NTMT2: variants seen among roughly 807,000 people sequenced by gnomAD.
The protein encoded by NTMT2 is N-terminal Xaa-Pro-Lys N-methyltransferase 2, also known as X-Pro-Lys N-terminal protein methyltransferase 1B.
NTMT2 carries 21 observed loss-of-function variants against 23.4 expected under a neutral mutation model. That is an observed-to-expected ratio of 0.90 (90% confidence interval 0.64 to 1.29). The LOEUF (loss-of-function observed/expected upper bound fraction) is 1.29, where lower values mean the gene tolerates loss of function less well. Ranked by LOEUF, NTMT2 falls within the 50% of genes most tolerant of loss-of-function variation. NTMT2 has a pLI of 0.00. For missense variants in NTMT2, 336 were observed against 352.0 expected, an observed-to-expected ratio of 0.95 and a Z score of 0.36; for synonymous variants, 131 against 127.7, an observed-to-expected ratio of 1.03 and a Z score of -0.17.
chr1:170,149,832 A>G (rs180775123), intron 1 of NTMT2, among the ~76,000 whole-genome samples: 9 of 152,320 alleles, frequency 5.9e-5, no homozygotes, highest in African/African-American at 1.2e-4. Flanking sequence ...TAAAGTCACC[A>G]TGTAGCTTTC....
Position 170,167,777 on chromosome 1 carries a change from G to T in NTMT2, c.*20G>T, listed in dbSNP as rs1057177283. 6.5e-7 allele frequency: 1 copy of T among 1,538,444 alleles called. No individual in the cohort carries two copies. Among genetic ancestry groups the T allele is most frequent in the South Asian group, 1.2e-5 (1 of 81,684 alleles). ...TCCTGAAAAAGCAGTGGGAATGAAC[G>T]ACTGGACTGGGCAGTGGTGCTTTGG... On this transcript the variant is annotated 3_prime_UTR_variant, in exon 4 of 4. Coordinates refer to ENST00000439373, the MANE Select transcript of NTMT2 (RefSeq NM_001136107.2).
intron 1 of NTMT2, among the ~76,000 whole-genome samples, chr1:170,160,064 C>A (rs185607002): frequency 2.3e-4 from 35 of 152,240 alleles, no homozygotes; most frequent in Non-Finnish European, 4.1e-4. Context: ...AAAACAGTTA[C>A]CCCTACCTTG....
chr1:170,162,645 C>G (rs1448664511), intron 2 of NTMT2, among the ~76,000 whole-genome samples: 2 of 152,152 alleles, frequency 1.3e-5, no homozygotes, highest in Non-Finnish European at 2.9e-5. Flanking sequence ...ACTCTTCATG[C>G]CAATTCTTGG....
chr1:170,152,404 G>A (rs940676596), intron 1 of NTMT2, among the ~76,000 whole-genome samples: 2 of 152,134 alleles, frequency 1.3e-5, no homozygotes, highest in African/African-American at 4.8e-5. Context: ...AGAGAGTTAG[G>A]AAGACACTCA....
intron 1 of NTMT2, among the ~76,000 whole-genome samples, chr1:170,153,322 T>C (rs914368451): frequency 6.6e-6 from 1 of 152,214 alleles, no homozygotes; most frequent in African/African-American, 2.4e-5. Flanking sequence ...ATCTGATACT[T>C]GAAAATGTGG....
chr1:170,157,273 A>G (rs1673181294), intron 1 of NTMT2, among the ~76,000 whole-genome samples: 1 of 152,130 alleles, frequency 6.6e-6, no homozygotes, highest in African/African-American at 2.4e-5. Context: ...TCAGTAGCTA[A>G]TTTGTATGTA....
chr1:170,166,728 T>C lies in NTMT2; in HGVS notation c.557T>C (p.Val186Ala), dbSNP rs1379193131. 4 of 1,552,352 alleles carry C rather than the reference T, an allele frequency of 2.6e-6. No homozygotes were observed. Among genetic ancestry groups the C allele is most frequent in the South Asian group, 1.2e-5 (1 of 84,054 alleles). Reference protein sequence around the residue: ...EFTPPFRRYDVIWIQWVSGHL... With the variant: ...EFTPPFRRYDAIWIQWVSGHL... ...ACACCCCCCTTCAGGAGATATGATG[T>C]CATCTGGATTCAGTGGGTCTCTGGT... is the stretch of plus-strand genomic sequence containing the variant. The change falls in exon 3 of 4, where the codon GTC becomes GCC. Residue 186 changes from valine (V) to alanine (A), a missense_variant. Transcript: ENST00000439373.
chr1:170,166,137 T>TTTA, intron 2 of NTMT2, among the ~76,000 whole-genome samples: 1 of 85,690 alleles, frequency 1.2e-5, no homozygotes, highest in African/African-American at 3.8e-5. Flanking sequence ...TTTTTTTTTT[T>TTTA]TTCTTTTTTT....
At chr1:170,164,121 CAAAAAAAA>C (rs36025340) in intron 2 of NTMT2, among the ~76,000 whole-genome samples, 3 of 102,014 alleles carry the variant, frequency 2.9e-5, no homozygotes, top group African/African-American at 1.1e-4. Flanking sequence ...GACTCTATCT[CAAAAAAAA>C]AAAAAAAAAA....
chr1:170,162,798 CTGCTCTT>C (rs1673298690), intron 2 of NTMT2, among the ~76,000 whole-genome samples: 1 of 152,198 alleles, frequency 6.6e-6, no homozygotes, highest in Non-Finnish European at 1.5e-5. Flanking sequence ...ACCAAACTCT[CTGCTCTT>C]AACCATGACA....
rs370338286 is a variant in NTMT2, at chr1:170,167,794, G to A, written c.*37G>A. ...GAATGAACGACTGGACTGGGCAGTGGTGCTTTGGGATGGGGTTGCTATCCT... is the reference window on the plus strand; with the variant it reads ...GAATGAACGACTGGACTGGGCAGTGATGCTTTGGGATGGGGTTGCTATCCT... On this transcript the variant is annotated 3_prime_UTR_variant, in exon 4 of 4. Transcript: ENST00000439373. The A allele has an allele frequency of 6.3e-5, 96 of 1,517,740 alleles. No homozygotes were observed. The African/African-American group carries it at 1.1e-3, about 17-fold the overall frequency. 94.0% of individuals were successfully genotyped at this position (1,517,740 alleles called of 1,614,324 possible).
In NTMT2 at chr1:170,166,528, C is replaced by T. The variant is rs6427234; in HGVS notation, c.357C>T (p.Cys119=). The change falls in exon 3 of 4, where the codon TGC becomes TGT. Residue 119 remains cysteine (C), a synonymous_variant. Transcript: ENST00000439373. ...VGGPGRAGTD[C]ALDCGSGIGR... ...GGCCTGGGAGAGCTGGAACAGACTG[C>T]GCCTTGGACTGCGGCTCCGGGATAG... is the stretch of plus-strand genomic sequence containing the variant. 460,246 of 1,551,570 alleles carry T rather than the reference C, an allele frequency of 0.3. 71,044 individuals carry two copies. Among genetic ancestry groups the T allele is most frequent in the African/African-American group, 0.48 (34,776 of 72,996 alleles).
chr1:170,153,894 A>C (rs1311744555), intron 1 of NTMT2, among the ~76,000 whole-genome samples: 1 of 151,722 alleles, frequency 6.6e-6, no homozygotes, highest in Non-Finnish European at 1.5e-5. Flanking sequence ...AATAGCCAAG[A>C]TGATGGGGAA....
intron 1 of NTMT2, among the ~76,000 whole-genome samples, chr1:170,155,694 A>G (rs935896089): frequency 2.6e-5 from 4 of 152,144 alleles, no homozygotes; most frequent in Admixed American, 1.3e-4. Flanking sequence ...TAAAATAGGT[A>G]TATTCAACCA....
At chr1:170,146,355 A>G in intron 1 of NTMT2, 94 bp downstream of exon 1, 2 of 1,251,832 alleles carry the variant, frequency 1.6e-6, no homozygotes, top group South Asian at 1.5e-5. Context: ...TAAAACAAGG[A>G]CACTTTTCAG....
At chr1:170,146,424 T>C (rs1571813937) in intron 1 of NTMT2, among the ~76,000 whole-genome samples, 163 bp downstream of exon 1, 1 of 152,118 alleles carries the variant, frequency 6.6e-6, no homozygotes, top group Non-Finnish European at 1.5e-5. Context: ...GAATTCTTTA[T>C]GGAGAATACA....
intron 1 of NTMT2, among the ~76,000 whole-genome samples, chr1:170,147,324 A>G (rs1277634952): frequency 6.6e-6 from 1 of 152,176 alleles, no homozygotes; most frequent in African/African-American, 2.4e-5. Context: ...TATGAAATAG[A>G]TAGGGTAAGT....
chr1:170,165,633 A>C (rs999541832), intron 2 of NTMT2, among the ~76,000 whole-genome samples: 1 of 152,198 alleles, frequency 6.6e-6, no homozygotes, highest in East Asian at 1.9e-4. Context: ...AGAAAAGATA[A>C]AATTCAAGTA....
rs564421262 is a variant in NTMT2 at position 170,162,194 on chromosome 1, G to T, written c.330+1501G>T. Among the ~76,000 whole-genome samples the T allele has an allele frequency of 2.1e-4, 32 of 152,262 alleles. No individual in the cohort carries two copies. In the Middle Eastern group the frequency reaches 0.01, roughly 49 times the overall value. Reference sequence around the variant, plus strand: ...CTGTTAGTTCTATTAAAGATGAAAAGTTCTAATTGGTAACAGGTTTTGTTC... The same window carrying T: ...CTGTTAGTTCTATTAAAGATGAAAATTTCTAATTGGTAACAGGTTTTGTTC... On this transcript the variant is annotated intron_variant, in intron 2 of 3. Coordinates refer to ENST00000439373, the MANE Select transcript of NTMT2 (RefSeq NM_001136107.2).
Sources: gnomAD v4.1 joint callset for allele counts (sites outside exome capture counted in the v4.1 genomes callset) on GRCh38, gnomAD v4.1.1 for gene constraint, MANE v1.5 for transcripts, NCBI Gene and HGNC (gene_info 2026-07-23, HGNC 2026-07-21) for gene names.